UNC80: variants seen among roughly 807,000 people sequenced by gnomAD.
UNC80 encodes protein unc-80 homolog.
In UNC80, 164 loss-of-function variants were observed where a neutral mutation model predicts 384.6. The observed-to-expected ratio is 0.43, with a 90% CI of 0.38 to 0.49. The LOEUF (loss-of-function observed/expected upper bound fraction) is 0.49, where lower values mean the gene tolerates loss of function less well. Among genes scored for constraint, UNC80 ranks in the 20% least tolerant of loss-of-function variants. The pLI is 0.00. For synonymous variants in UNC80, 1,486 were observed against 1,527.8 expected (o/e 0.97, Z 0.64); for missense variants, 3,330 against 4,143.0 (o/e 0.80, Z 5.39).
intron 31 of UNC80, among the ~76,000 whole-genome samples, chr2:209,917,238 T>A (rs1014964638): frequency 1.3e-5 from 2 of 152,226 alleles, no homozygotes; most frequent in African/African-American, 4.8e-5. Context: ...ACCTGGCCTT[T>A]CACTTACTGA....
chr2:209,926,545 G>A (rs534609874), intron 35 of UNC80, among the ~76,000 whole-genome samples: 1 of 152,196 alleles, frequency 6.6e-6, no homozygotes, highest in South Asian at 2.1e-4. Flanking sequence ...GGGAGGTGGA[G>A]GTGGGAGGAT....
At chr2:209,927,768 A>G (rs1275145532) in intron 36 of UNC80, among the ~76,000 whole-genome samples, 1 of 152,220 alleles carries the variant, frequency 6.6e-6, no homozygotes, top group African/African-American at 2.4e-5. Flanking sequence ...AAAGCTTTTG[A>G]CACAGATTTG....
chr2:209,958,412 A>C (rs61626501), intron 49 of UNC80, among the ~76,000 whole-genome samples: 3,065 of 152,288 alleles, frequency 0.02, 125 homozygotes, highest in African/African-American at 0.07. Flanking sequence ...TGGAAATCAT[A>C]AGGAGAAATT....
chr2:209,981,895 G>A (rs2093165897), intron 59 of UNC80, among the ~76,000 whole-genome samples: 1 of 152,134 alleles, frequency 6.6e-6, no homozygotes, highest in Admixed American at 6.5e-5. Flanking sequence ...TAAATTTGCT[G>A]ATGCCTGTTC....
chr2:209,908,769 C>T (rs2088571576), intron 29 of UNC80, among the ~76,000 whole-genome samples: 2 of 152,078 alleles, frequency 1.3e-5, no homozygotes, highest in African/African-American at 4.8e-5. Context: ...AAGACCAGGC[C>T]CTGGATCTTA....
intron 12 of UNC80, among the ~76,000 whole-genome samples, chr2:209,819,631 T>C (rs2080000137): frequency 6.6e-6 from 1 of 152,186 alleles, no homozygotes; most frequent in Non-Finnish European, 1.5e-5. Context: ...AAACCTCCTG[T>C]GTAACCAGAA....
chr2:209,902,462 G>C (rs1299171486), intron 28 of UNC80, among the ~76,000 whole-genome samples: 1 of 152,168 alleles, frequency 6.6e-6, no homozygotes, highest in Non-Finnish European at 1.5e-5. Context: ...TCTACTGTGA[G>C]TAAAATGCTA....
chr2:209,955,153 A>C (rs1478983722), intron 48 of UNC80, among the ~76,000 whole-genome samples: 1 of 152,022 alleles, frequency 6.6e-6, no homozygotes, highest in African/African-American at 2.4e-5. Flanking sequence ...CCTCCATTCC[A>C]TTCTGCCATG....
At chr2:209,804,362 A>G (rs924061006) in intron 7 of UNC80, among the ~76,000 whole-genome samples, 1 of 152,220 alleles carries the variant, frequency 6.6e-6, no homozygotes, top group Middle Eastern at 3.2e-3. Flanking sequence ...CCTCTGGGCT[A>G]TTAATTCTAT....
chr2:209,953,363 C>T (rs975356965), intron 47 of UNC80, among the ~76,000 whole-genome samples: 8 of 138,658 alleles, frequency 5.8e-5, no homozygotes, highest in African/African-American at 1.1e-4. Flanking sequence ...TGTAGTGAGC[C>T]GAAATCATGC....
Position 209,815,298 on chromosome 2 carries a change from C to T in UNC80, c.1242C>T (p.Ser414=). ...MKCNEEEKSL[S]SEAFSKVSLT... ...GTAACGAGGAGGAAAAATCTCTTAG[C>T]TCTGAGGCCTTTTCCAAGGTTTCAC... The change falls in exon 9 of 65, where the codon AGC becomes AGT. Residue 414 remains serine, a synonymous_variant. Transcript: ENST00000673920. 2 of 1,551,670 alleles carry T rather than the reference C, an allele frequency of 1.3e-6. No homozygotes were observed. Among genetic ancestry groups the T allele is most frequent in the African/African-American group, 1.4e-5 (1 of 73,176 alleles).
intron 31 of UNC80, among the ~76,000 whole-genome samples, chr2:209,917,160 T>A (rs1278502962): frequency 6.6e-6 from 1 of 152,222 alleles, no homozygotes; most frequent in African/African-American, 2.4e-5. Flanking sequence ...TGCCACTGGC[T>A]CCTCTATCTG....
intron 35 of UNC80, among the ~76,000 whole-genome samples, chr2:209,926,177 A>G (rs924741808): frequency 9.9e-5 from 15 of 152,190 alleles, no homozygotes; most frequent in Admixed American, 2.6e-4. Flanking sequence ...ACTGCTTACT[A>G]TCTCTCACAC....
chr2:209,844,811 C>T (rs13412050), intron 21 of UNC80, among the ~76,000 whole-genome samples: 4,958 of 151,638 alleles, frequency 0.033, 269 homozygotes, highest in African/African-American at 0.11. Flanking sequence ...CTATGTTGCC[C>T]AGGCTGGTCT....
chr2:209,978,898 C>T (rs1349469294), intron 59 of UNC80, among the ~76,000 whole-genome samples, 190 bp downstream of exon 59: 3 of 152,156 alleles, frequency 2.0e-5, no homozygotes, highest in African/African-American at 2.4e-5. Flanking sequence ...TCCTTGATAC[C>T]CTTTGGTCAT....
intron 47 of UNC80, among the ~76,000 whole-genome samples, chr2:209,951,085 A>G (rs1208954894): frequency 1.3e-5 from 2 of 151,798 alleles, no homozygotes; most frequent in Non-Finnish European, 2.9e-5. Context: ...AGGTGGGAGG[A>G]TTGCTTGAGC....
chr2:209,977,226 A>G (rs563074245), intron 58 of UNC80, 148 bp downstream of exon 58: 4 of 759,830 alleles, frequency 5.3e-6, no homozygotes, highest in Admixed American at 7.9e-5. Context: ...ATTTCTAATA[A>G]GTTAGCCATT....
intron 24 of UNC80, among the ~76,000 whole-genome samples, chr2:209,879,454 C>A (rs959756601): frequency 2.0e-5 from 3 of 152,116 alleles, no homozygotes; most frequent in Non-Finnish European, 4.4e-5. Flanking sequence ...AGGTAGAACT[C>A]AATCCTTGTT....
intron 28 of UNC80, among the ~76,000 whole-genome samples, chr2:209,899,025 T>G (rs932814038): frequency 3.3e-5 from 5 of 152,238 alleles, no homozygotes; most frequent in African/African-American, 1.2e-4. Flanking sequence ...CGTCTGTTGA[T>G]GGACATTTAG....
Sources: allele counts gnomAD v4.1 joint callset (sites outside exome capture counted in the v4.1 genomes callset), GRCh38; gene constraint gnomAD v4.1.1; transcripts MANE v1.5; gene names NCBI Gene and HGNC (gene_info 2026-07-23, HGNC 2026-07-21).